SPTB: variants seen among roughly 807,000 people sequenced by gnomAD.
The protein encoded by SPTB is spectrin beta, erythrocytic.
In SPTB, 45 loss-of-function variants were observed where a neutral mutation model predicts 256.2. That is an observed-to-expected ratio of 0.18 (90% CI 0.14 to 0.23). The LOEUF is 0.23. Ranked by LOEUF, SPTB falls within the 10% of genes least tolerant of loss-of-function variation. SPTB has a pLI of 1.00. For missense variants in SPTB, 2,715 were observed against 3,040.4 expected, an observed-to-expected ratio of 0.89 and a Z score of 2.52; for synonymous variants, 1,231 against 1,243.1, an observed-to-expected ratio of 0.99 and a Z score of 0.21.
At chr14:64,838,520 T>C (rs949323879) in intron 1 of SPTB, among the ~76,000 whole-genome samples, 7 of 152,142 alleles carry the variant, frequency 4.6e-5, no homozygotes, top group Non-Finnish European at 5.9e-5. Flanking sequence ...ATTCAGAATA[T>C]ATAAAAAACT....
chr14:64,825,514 G>C lies in SPTB; in HGVS notation c.-51-2369C>G, dbSNP rs1467566478. Among the ~76,000 whole-genome samples, 1 of 151,624 alleles carries C rather than the reference G, an allele frequency of 6.6e-6. No individual in the cohort carries two copies. The highest frequency in any genetic ancestry group is 6.6e-5 in the Admixed American group (1 of 15,228). ...AAACTACCACTGACTTGGTCTCTGAGCCAGAGAGGGACTGACAGGCTGACC... is the reference window on the plus strand; with the variant it reads ...AAACTACCACTGACTTGGTCTCTGACCCAGAGAGGGACTGACAGGCTGACC... On this transcript the variant is annotated intron_variant, in intron 1 of 35. Coordinates refer to ENST00000644917, the MANE Select transcript of SPTB (RefSeq NM_001355436.2). This position sits in a 1 kb window ranked among gnomAD's most constrained non-coding sequence, Gnocchi z 4.8.
chr14:64,842,881 G>A (rs2083629348), intron 1 of SPTB, among the ~76,000 whole-genome samples: 1 of 152,118 alleles, frequency 6.6e-6, no homozygotes, highest in African/African-American at 2.4e-5. Flanking sequence ...ACCAGCCTGG[G>A]AAACAGAGAG....
chr14:64,839,196 C>T (rs764930700), intron 1 of SPTB, among the ~76,000 whole-genome samples: 9 of 152,114 alleles, frequency 5.9e-5, no homozygotes, highest in Non-Finnish European at 1.0e-4. Flanking sequence ...AAATTGGAAA[C>T]AATAGATAAA....
chr14:64,773,134 G>A, intron 25 of SPTB, 86 bp downstream of exon 25: 1 of 1,577,502 alleles, frequency 6.3e-7, no homozygotes, highest in Non-Finnish European at 8.7e-7. Context: ...TACGTCCTAT[G>A]CAGCACTCTG....
intron 9 of SPTB, among the ~76,000 whole-genome samples, chr14:64,798,741 G>A (rs1385055575): frequency 6.6e-6 from 1 of 152,202 alleles, no homozygotes; most frequent in Non-Finnish European, 1.5e-5. Context: ...ATGGGTTACT[G>A]TCAGACTAGA....
Position 64,748,838 on chromosome 14 carries a change from C to A in SPTB, c.*468G>T, listed in dbSNP as rs1241444595. The A allele has an allele frequency of 1.2e-5, 2 of 170,866 alleles. No homozygotes were observed. The highest frequency in any genetic ancestry group is 2.5e-5 in the Non-Finnish European group (2 of 81,378). The allele number at this position is 170,866 out of a possible 1,614,324, so 10.6% of individuals were successfully genotyped here. ...TGCATTTCCAGTGTCTTCTTCCTTTCCCCTTTCCCTGGCTGCCACCAGGTG... is the reference window on the plus strand; with the variant it reads ...TGCATTTCCAGTGTCTTCTTCCTTTACCCTTTCCCTGGCTGCCACCAGGTG... On this transcript the variant is annotated 3_prime_UTR_variant, in exon 36 of 36. Coordinates refer to ENST00000644917, the MANE Select transcript of SPTB (RefSeq NM_001355436.2).
Position 64,785,515 on chromosome 14 carries a change from C to G in SPTB, c.3855+22G>C, listed in dbSNP as rs1594773422. ...TAGAAAGGAATCTCCAGGAAAGCAGCCACTCCTTGCTGGAGCCTCACCTCC... is the reference window on the plus strand; with the variant it reads ...TAGAAAGGAATCTCCAGGAAAGCAGGCACTCCTTGCTGGAGCCTCACCTCC... On this transcript the variant is annotated intron_variant, in intron 18 of 35. Transcript: ENST00000644917. The surrounding 1 kb of genome is among the most constrained non-coding windows in gnomAD (Gnocchi z 4.4). The G allele has an allele frequency of 6.3e-7, 1 of 1,599,806 alleles. No homozygotes were observed. Among genetic ancestry groups the G allele is most frequent in the Non-Finnish European group, 8.5e-7 (1 of 1,172,204 alleles).
rs1039011006 is a variant in SPTB, at chr14:64,841,028, C to T, written c.-51-17883G>A. On this transcript the variant is annotated intron_variant, in intron 1 of 35. Transcript: ENST00000644917. The surrounding 1 kb of genome is among the most constrained non-coding windows in gnomAD (Gnocchi z 4.6). ...CTGCTTTTCTCTGTGCTCCAGTTTC[C>T]TCACCCAGTTAAAAGTAAATTTCTC... Among the ~76,000 whole-genome samples, 1 of 152,194 alleles carries T rather than the reference C, an allele frequency of 6.6e-6. No individual in the cohort carries two copies. Among genetic ancestry groups the T allele is most frequent in the Non-Finnish European group, 1.5e-5 (1 of 68,046 alleles).
chr14:64,764,777 C>T lies in SPTB; in HGVS notation c.6345+1949G>A, dbSNP rs2082141168. ...GGTGCAGGGCCCTAGCCCGTGTCCG[C>T]AGTCTGTGCCGGCCCCCCAGAGTTC... is the stretch of plus-strand genomic sequence containing the variant. On this transcript the variant is annotated intron_variant, in intron 32 of 35. Coordinates refer to ENST00000644917, the MANE Select transcript of SPTB (RefSeq NM_001355436.2). The surrounding 1 kb of genome is among the most constrained non-coding windows in gnomAD (Gnocchi z 4.2). 1.3e-5 allele frequency among the ~76,000 whole-genome samples: 2 copies of T among 152,280 alleles called. No homozygotes were observed. The highest frequency in any genetic ancestry group is 1.9e-4 in the East Asian group (1 of 5,158).
At chr14:64,765,025 C>CGTGTGTGTGTGTGTGT (rs565885364) in intron 32 of SPTB, among the ~76,000 whole-genome samples, 75 of 118,328 alleles carry the variant, frequency 6.3e-4, no homozygotes, top group African/African-American at 1.2e-3. Flanking sequence ...GGAGTGTGTG[C>CGTGTGTGTGTGTGTGT]GTGTGTGTGT....
chr14:64,830,144 C>T (rs1266283410), intron 1 of SPTB, among the ~76,000 whole-genome samples: 1 of 151,928 alleles, frequency 6.6e-6, no homozygotes. Flanking sequence ...TGTAATTATT[C>T]ATGTATCTGT....
In SPTB at chr14:64,801,301, C is replaced by A. The variant is rs751976648; in HGVS notation, c.747G>T (p.Pro249=). Residue 249 remains proline, a synonymous_variant, in exon 7 of 36, where the codon CCG becomes CCT. Coordinates refer to ENST00000644917, the MANE Select transcript of SPTB (RefSeq NM_001355436.2). ...GTGGCTCACCTTCGGGGTCGAGGAGCGGGATGATGCCCAGCTGGCGCTCAG... is the reference window on the plus strand; with the variant it reads ...GTGGCTCACCTTCGGGGTCGAGGAGAGGGATGATGCCCAGCTGGCGCTCAG... ...NVAERQLGII[P]LLDPEDVFTE... The A allele has an allele frequency of 1.9e-6, 3 of 1,613,738 alleles. No individual in the cohort carries two copies. The African/African-American group carries it at 4.0e-5, about 22-fold the overall frequency.
rs115636344 is a variant in SPTB, at chr14:64,850,751, C to T, written c.-51-27606G>A. Among the ~76,000 whole-genome samples the T allele has an allele frequency of 2.2e-4, 34 of 152,346 alleles. 1 individual carries two copies. The highest frequency in any genetic ancestry group is 7.0e-4 in the African/African-American group (29 of 41,582). The stretch of plus-strand genomic sequence containing the variant: ...ATGGTGACTCCAGCCTTCCTTTCTT[C>T]GTGATCTCCATTCCCAATGATTCCA... On this transcript the variant is annotated intron_variant, in intron 1 of 35. Coordinates refer to ENST00000644917, the MANE Select transcript of SPTB (RefSeq NM_001355436.2).
intron 1 of SPTB, among the ~76,000 whole-genome samples, chr14:64,849,654 T>C (rs2083747635): frequency 6.6e-6 from 1 of 152,198 alleles, no homozygotes; most frequent in South Asian, 2.1e-4. Flanking sequence ...GGGATTCCCA[T>C]CTCACTCACT....
Position 64,826,678 on chromosome 14 carries a change from T to A in SPTB, c.-51-3533A>T, listed in dbSNP as rs1437278663. ...CCCACAAGTCCCCCAAAATTCCTTC[T>A]CTGAACCCACCTGACCCTCGTCAAA... On this transcript the variant is annotated intron_variant, in intron 1 of 35. Coordinates refer to ENST00000644917, the MANE Select transcript of SPTB (RefSeq NM_001355436.2). The surrounding 1 kb of genome is among the most constrained non-coding windows in gnomAD (Gnocchi z 4.4). Among the ~76,000 whole-genome samples the A allele has an allele frequency of 6.6e-6, 1 of 152,118 alleles. No homozygotes were observed. Among genetic ancestry groups the A allele is most frequent in the African/African-American group, 2.4e-5 (1 of 41,414 alleles).
intron 32 of SPTB, chr14:64,754,885 C>G (rs1009786817): frequency 2.6e-5 from 4 of 152,588 alleles, no homozygotes; most frequent in African/African-American, 9.6e-5. Context: ...CTCCCATTGC[C>G]AGGTGGGGCA....
In SPTB at chr14:64,775,074, C is replaced by T. The variant is rs1375416542; in HGVS notation, c.4842+51G>A. 1.2e-6 allele frequency: 2 copies of T among 1,613,326 alleles called. No individual in the cohort carries two copies. The highest frequency in any genetic ancestry group is 3.3e-5 in the Admixed American group (2 of 60,034). ...GCTCCCTACCGACAGCCAACCTCAA[C>T]TCTTCCTCTCTGCCTGGGCACCCTG... On this transcript the variant is annotated intron_variant, in intron 23 of 35. Transcript: ENST00000644917. The surrounding 1 kb of genome is among the most constrained non-coding windows in gnomAD (Gnocchi z 5.0).
chr14:64,784,919 G>C (rs188428005), intron 18 of SPTB, among the ~76,000 whole-genome samples: 49 of 152,330 alleles, frequency 3.2e-4, no homozygotes, highest in African/African-American at 1.1e-3. Context: ...AGGGACCTGG[G>C]AAGGCGGATT....
At position 64,803,595 on chromosome 14, in the gene SPTB, C is replaced by T. The variant is rs142691499; in HGVS notation, c.474+12G>A. On this transcript the variant is annotated intron_variant, in intron 4 of 35. Transcript: ENST00000644917. ...GGGCTCCCTCGACTTCCTCTACCCC[C>T]CAGGAACCCACCTGGAAGCGGAGGA... 1.5e-4 allele frequency: 238 copies of T among 1,614,042 alleles called. 3 individuals are homozygous for T. The East Asian group carries it at 5.2e-3, about 36-fold the overall frequency.
Sources: allele counts gnomAD v4.1 joint callset (sites outside exome capture counted in the v4.1 genomes callset), GRCh38; gene constraint gnomAD v4.1.1; non-coding constraint Gnocchi (gnomAD v3.1); transcripts MANE v1.5; gene names NCBI Gene and HGNC (gene_info 2026-07-23, HGNC 2026-07-21).